Variants in RPH3AL observed in about 807,000 individuals in gnomAD.
RPH3AL encodes the protein rabphilin 3A like (without C2 domains).
RPH3AL carries 38 observed loss-of-function variants against 43.1 expected under a neutral mutation model. The observed-to-expected ratio is 0.88, with a 90% CI of 0.68 to 1.15. The LOEUF (loss-of-function observed/expected upper bound fraction) is 1.15, where lower values mean the gene tolerates loss of function less well. Ranked by LOEUF, RPH3AL falls within the 50% of genes most tolerant of loss-of-function variation. The pLI is 0.00. For missense variants in RPH3AL, 462 were observed against 423.2 expected (o/e 1.09, Z -0.81); for synonymous variants, 189 against 176.3 (o/e 1.07, Z -0.57).
At position 245,015 on chromosome 17, in the gene RPH3AL, T is replaced by C. The variant is rs376725801; in HGVS notation, c.613+2096A>G. Among the ~76,000 whole-genome samples the C allele has an allele frequency of 1.1e-3, 171 of 152,234 alleles. No homozygotes were observed. The highest frequency in any genetic ancestry group is 3.9e-3 in the African/African-American group (162 of 41,528). ...GTATGCATGTGGATATGAGTGTGTG[T>C]ATGTGGATGTGTGTGTGGATGTGAG... On this transcript the variant is annotated intron_variant, in intron 7 of 9. Coordinates refer to ENST00000331302, the MANE Select transcript of RPH3AL (RefSeq NM_006987.4). The surrounding 1 kb of genome is among the most constrained non-coding windows in gnomAD (Gnocchi z 5.9).
intron 7 of RPH3AL, among the ~76,000 whole-genome samples, chr17:228,068 G>A (rs2041146385): frequency 6.6e-6 from 1 of 152,054 alleles, no homozygotes; most frequent in African/African-American, 2.4e-5. Flanking sequence ...GTCCCACTGA[G>A]ATGTCTCCCA....
At chr17:293,640 G>A (rs1448267439) in intron 5 of RPH3AL, among the ~76,000 whole-genome samples, 1 of 152,192 alleles carries the variant, frequency 6.6e-6, no homozygotes, top group African/African-American at 2.4e-5. Flanking sequence ...GGGCCGTGCA[G>A]CACCGGTGAT....
At chr17:217,300 A>C (rs1490475316) in intron 8 of RPH3AL, among the ~76,000 whole-genome samples, 3 of 124,534 alleles carry the variant, frequency 2.4e-5, no homozygotes, top group Non-Finnish European at 5.6e-5. Context: ...AGGACCCCCA[A>C]GGCATTTCAT....
intron 4 of RPH3AL, among the ~76,000 whole-genome samples, chr17:320,638 C>T (rs1287517752): frequency 1.3e-5 from 2 of 151,624 alleles, no homozygotes; most frequent in African/African-American, 4.8e-5. Flanking sequence ...GACCCTGTCC[C>T]CCCCAAAAAA....
chr17:331,501 G>T (rs536861832), intron 2 of RPH3AL: 1 of 1,177,310 alleles, frequency 8.5e-7, no homozygotes, highest in Admixed American at 3.0e-5. Flanking sequence ...CCTGGCCGTG[G>T]CTGGCACCTC....
In RPH3AL at chr17:246,397, T is replaced by G. The variant is rs1597925156; in HGVS notation, c.613+714A>C. ...GAGAGGGTAAGAGCCTGCCCTTGGA[T>G]CCCAGCTCGGCCACACACCTGCCGA... On this transcript the variant is annotated intron_variant, in intron 7 of 9. Transcript: ENST00000331302. The surrounding 1 kb of genome is among the most constrained non-coding windows in gnomAD (Gnocchi z 4.8). Among the ~76,000 whole-genome samples, 1 of 152,120 alleles carries G rather than the reference T, an allele frequency of 6.6e-6. No homozygotes were observed. The highest frequency in any genetic ancestry group is 2.1e-4 in the South Asian group (1 of 4,814).
At chr17:307,204 C>T (rs1352653795) in intron 5 of RPH3AL, among the ~76,000 whole-genome samples, 3 of 64,774 alleles carry the variant, frequency 4.6e-5, no homozygotes, top group African/African-American at 9.8e-5. Flanking sequence ...GTCCTCCCCA[C>T]GGCAGGTCCA....
intron 1 of RPH3AL, among the ~76,000 whole-genome samples, chr17:341,974 G>T (rs796850146): frequency 1.3e-5 from 2 of 151,858 alleles, no homozygotes; most frequent in South Asian, 2.1e-4. Flanking sequence ...TCTCATAAGG[G>T]TCTAGTATCT....
At chr17:296,509 G>A (rs969455592) in intron 5 of RPH3AL, among the ~76,000 whole-genome samples, 18 of 152,326 alleles carry the variant, frequency 1.2e-4, no homozygotes, top group African/African-American at 4.3e-4. Flanking sequence ...CACGGGGCTG[G>A]AGGACACAGC....
In RPH3AL at chr17:246,698, G is replaced by A. The variant is rs990477309; in HGVS notation, c.613+413C>T. On this transcript the variant is annotated intron_variant, in intron 7 of 9. Coordinates refer to ENST00000331302, the MANE Select transcript of RPH3AL (RefSeq NM_006987.4). The surrounding 1 kb of genome is among the most constrained non-coding windows in gnomAD (Gnocchi z 4.8). ...TACTTATTAGGACCAGGGAAGCCAG[G>A]AGTCCTCCCTTACCGAGACACAAGG... is the stretch of plus-strand genomic sequence containing the variant. Among the ~76,000 whole-genome samples, 1 of 152,166 alleles carries A rather than the reference G, an allele frequency of 6.6e-6. No homozygotes were observed. Among genetic ancestry groups the A allele is most frequent in the Non-Finnish European group, 1.5e-5 (1 of 68,026 alleles).
At chr17:263,466 T>C (rs1597966514) in intron 6 of RPH3AL, among the ~76,000 whole-genome samples, 2 of 152,168 alleles carry the variant, frequency 1.3e-5, no homozygotes. Context: ...CAGCAGCGGG[T>C]GACGCGGTGG....
At chr17:320,761 C>T (rs765296975) in intron 4 of RPH3AL, among the ~76,000 whole-genome samples, 1 of 152,232 alleles carries the variant, frequency 6.6e-6, no homozygotes, top group African/African-American at 2.4e-5. Flanking sequence ...TTCAGATTTT[C>T]TAGGAAATAT....
Position 324,822 on chromosome 17 carries a change from T to C in RPH3AL, c.77+2645A>G, listed in dbSNP as rs144382205. Among the ~76,000 whole-genome samples, 578 of 152,304 alleles carry C rather than the reference T, an allele frequency of 3.8e-3. 3 individuals are homozygous for C. Among genetic ancestry groups the C allele is most frequent in the Non-Finnish European group, 5.4e-3 (370 of 68,028 alleles). ...CTCACTGCAACATCCGCCTCCCAGG[T>C]GCAAGCAATTCTCCTGCCTCAGCCT... On this transcript the variant is annotated intron_variant, in intron 3 of 9. Coordinates refer to ENST00000331302, the MANE Select transcript of RPH3AL (RefSeq NM_006987.4).
chr17:351,941 C>T (rs919709129), intron 1 of RPH3AL, among the ~76,000 whole-genome samples: 1 of 152,182 alleles, frequency 6.6e-6, no homozygotes, highest in Non-Finnish European at 1.5e-5. Context: ...ACAAGGGTCC[C>T]GAAACGGGCC....
chr17:219,858 C>A, intron 7 of RPH3AL, 122 bp from the exon 8 acceptor site: 1 of 700,556 alleles, frequency 1.4e-6, no homozygotes, highest in Non-Finnish European at 2.6e-6. Flanking sequence ...CTCAGCTGGC[C>A]CTTTCGCTTT....
chr17:331,476 G>C (rs1375930889), intron 2 of RPH3AL: 1 of 990,696 alleles, frequency 1.0e-6, no homozygotes, highest in Non-Finnish European at 1.3e-6. Context: ...CTCTGGGACG[G>C]CTGTGCACCC....
At chr17:348,908 G>A (rs1266140324) in intron 1 of RPH3AL, 2 of 152,150 alleles carry the variant, frequency 1.3e-5, no homozygotes, top group Non-Finnish European at 2.9e-5. Context: ...GTTAATCTCT[G>A]GAAGGTGCAC....
chr17:252,078 C>T (rs1049942285), intron 6 of RPH3AL, among the ~76,000 whole-genome samples: 1 of 151,534 alleles, frequency 6.6e-6, no homozygotes, highest in Non-Finnish European at 1.5e-5. Context: ...CTCAGGTGAT[C>T]CTCCCACCTC....
chr17:315,986 C>G (rs1244898986), intron 5 of RPH3AL, among the ~76,000 whole-genome samples: 1 of 146,298 alleles, frequency 6.8e-6, no homozygotes, highest in Non-Finnish European at 1.5e-5. Flanking sequence ...CGTGTAGTCC[C>G]TGTGCCCCAC....
Sources: gnomAD v4.1 joint callset for allele counts (sites outside exome capture counted in the v4.1 genomes callset) on GRCh38, gnomAD v4.1.1 for gene constraint, Gnocchi (gnomAD v3.1) non-coding constraint, MANE v1.5 for transcripts, NCBI Gene and HGNC (gene_info 2026-07-23, HGNC 2026-07-21) for gene names.